Variants in CFAP54 observed in about 807,000 individuals in gnomAD.
CFAP54 encodes cilia and flagella associated protein 54.
CFAP54 carries 290 observed loss-of-function variants against 370.4 expected under a neutral mutation model. The ratio of observed to expected loss-of-function variants is 0.78; its 90% CI spans 0.71 to 0.86. CFAP54 has a LOEUF of 0.86. Among genes scored for constraint, CFAP54 ranks in the 40% least tolerant of loss-of-function variants. The probability of loss-of-function intolerance (pLI) is 0.00; values close to 1 mark genes in which losing one functional copy is unlikely to be tolerated. For synonymous variants in CFAP54, 1,206 were observed against 1,236.5 expected (o/e 0.98, Z 0.52); for missense variants, 3,399 against 3,528.7 (o/e 0.96, Z 0.93).
intron 23 of CFAP54, 86 bp downstream of exon 23, chr12:96,589,649 C>A: frequency 1.2e-6 from 1 of 851,542 alleles, no homozygotes; most frequent in African/African-American, 1.8e-5. Context: ...TTTTTAATAT[C>A]ATGTTCAGAT....
chr12:96,772,040 A>G (rs186083343), intron 60 of CFAP54, among the ~76,000 whole-genome samples: 247 of 152,384 alleles, frequency 1.6e-3, no homozygotes, highest in Non-Finnish European at 2.5e-3. Context: ...ATTAAAGATC[A>G]GATTACATTG....
chr12:96,582,813 T>C (rs1293185983), intron 22 of CFAP54, among the ~76,000 whole-genome samples: 1 of 152,204 alleles, frequency 6.6e-6, no homozygotes, highest in African/African-American at 2.4e-5. Flanking sequence ...GTAGTTTATT[T>C]ATGATGGTTT....
chr12:96,526,774 A>AAT (rs1316289592), intron 8 of CFAP54, among the ~76,000 whole-genome samples: 180 of 152,292 alleles, frequency 1.2e-3, no homozygotes, highest in African/African-American at 4.1e-3. Context: ...TCTCTAATGA[A>AAT]ATCTGGAGTG....
intron 50 of CFAP54, among the ~76,000 whole-genome samples, chr12:96,729,489 C>T (rs537054706): frequency 2.0e-5 from 3 of 152,364 alleles, no homozygotes; most frequent in Non-Finnish European, 4.4e-5. Context: ...ACCCTCCGAG[C>T]CAGGTGCGGG....
chr12:96,590,847 C>T (rs971218955), intron 23 of CFAP54, among the ~76,000 whole-genome samples: 5 of 152,082 alleles, frequency 3.3e-5, no homozygotes, highest in East Asian at 1.9e-4. Flanking sequence ...TCCAGCAGGA[C>T]GCCTTTGTGA....
chr12:96,520,486 TG>T (rs1285913966), intron 6 of CFAP54, among the ~76,000 whole-genome samples: 3 of 152,158 alleles, frequency 2.0e-5, no homozygotes, highest in Non-Finnish European at 4.4e-5. Flanking sequence ...CACTCCAGCC[TG>T]GGCAACAAGA....
At chr12:96,780,957 A>G (rs183888701) in intron 60 of CFAP54, among the ~76,000 whole-genome samples, 1 of 152,306 alleles carries the variant, frequency 6.6e-6, no homozygotes, top group Admixed American at 6.5e-5. Flanking sequence ...CCAGTGGTTT[A>G]CTTTTGGTGA....
chr12:96,863,805 T>A (rs902124721), intron 67 of CFAP54, among the ~76,000 whole-genome samples: 19 of 152,214 alleles, frequency 1.2e-4, no homozygotes, highest in African/African-American at 4.3e-4. Context: ...TCAGCACTTT[T>A]TTTTTTTTAC....
At chr12:96,796,784 G>A (rs34458) in intron 63 of CFAP54, among the ~76,000 whole-genome samples, 67 of 151,962 alleles carry the variant, frequency 4.4e-4, no homozygotes, top group African/African-American at 1.1e-3. Flanking sequence ...AATGATGTAC[G>A]CTTTTTCATT....
At position 96,663,609 on chromosome 12, in the gene CFAP54, G is replaced by A. The variant is rs112037941; in HGVS notation, c.5461-221G>A. ...AATTGCTCTACATAATTTGCCTAAC[G>A]TTCTTCCAGCTGTGCTGTACAAAAG... On this transcript the variant is annotated intron_variant, in intron 38 of 67. Coordinates refer to ENST00000524981, the MANE Select transcript of CFAP54 (RefSeq NM_001306084.2). Among the ~76,000 whole-genome samples the A allele has an allele frequency of 4.7e-3, 716 of 152,216 alleles. 4 individuals are homozygous for A. The highest frequency in any genetic ancestry group is 0.016 in the African/African-American group (678 of 41,532).
chr12:96,589,422 T>C lies in CFAP54; in HGVS notation c.3076-5T>C, dbSNP rs1407228969. On this transcript the variant is annotated splice_region_variant and splice_polypyrimidine_tract_variant and intron_variant, in intron 22 of 67. Transcript: ENST00000524981. ...TATTACATAAATATGTGCTTTTTGTTATAGGTTGCCTATCAAGTTGGTAAC... is the reference window on the plus strand; with the variant it reads ...TATTACATAAATATGTGCTTTTTGTCATAGGTTGCCTATCAAGTTGGTAAC... 5 of 1,523,378 alleles carry C rather than the reference T, an allele frequency of 3.3e-6. No individual in the cohort carries two copies. Among genetic ancestry groups the C allele is most frequent in the Non-Finnish European group, 4.4e-6 (5 of 1,138,600 alleles). 94.4% of individuals were successfully genotyped at this position (1,523,378 alleles called of 1,614,324 possible).
At chr12:96,714,332 A>G (rs1029821886) in intron 48 of CFAP54, among the ~76,000 whole-genome samples, 2 of 152,190 alleles carry the variant, frequency 1.3e-5, no homozygotes, top group Non-Finnish European at 2.9e-5. Flanking sequence ...GGAACTAACG[A>G]GTAGATAGTT....
chr12:96,720,467 G>GA lies in CFAP54; in HGVS notation c.6868dup (p.Thr2290AsnfsTer51). 1 of 1,604,970 alleles carries GA rather than the reference G, an allele frequency of 6.2e-7. No individual in the cohort carries two copies. The highest frequency in any genetic ancestry group is 8.5e-7 in the Non-Finnish European group (1 of 1,175,306). The stretch of plus-strand genomic sequence containing the variant: ...TCCTTCTGTCCGAGGTGGAACAGAA[G>GA]ACCCTGTCTCAGTGCTCCGCTGGCG... On this transcript the variant is annotated frameshift_variant, in exon 50 of 68. Transcript: ENST00000524981. LOFTEE classifies it high-confidence loss of function.
At chr12:96,699,923 A>G (rs182654219) in intron 45 of CFAP54, 48 bp from the exon 46 acceptor site, 1 of 1,468,492 alleles carries the variant, frequency 6.8e-7, no homozygotes, top group Admixed American at 2.2e-5. Flanking sequence ...TTTTCTAAGT[A>G]AAACAAATTG....
In CFAP54 at chr12:96,621,706, A is replaced by C. The variant is rs895609698; in HGVS notation, c.3756A>C (p.Glu1252Asp). ...KSLFDGSNEQ[E>D]EMPEEDSSKK... ...TGTTTGATGGTAGTAATGAACAAGA[A>C]GAAATGCCAGAGGAGGTAATTGTTT... The change falls in exon 27 of 68, where the codon GAA becomes GAC. Residue 1252 changes from glutamate (E) to aspartate (D), a missense_variant. Coordinates refer to ENST00000524981, the MANE Select transcript of CFAP54 (RefSeq NM_001306084.2). 1 of 1,524,318 alleles carries C rather than the reference A, an allele frequency of 6.6e-7. No homozygotes were observed. Among genetic ancestry groups the C allele is most frequent in the Non-Finnish European group, 8.8e-7 (1 of 1,141,294 alleles). 94.4% of individuals were successfully genotyped at this position (1,524,318 alleles called of 1,614,324 possible). A position where few individuals can be genotyped will look rare whatever the true frequency, so the allele number is the denominator to read the frequency against.
At chr12:96,612,067 G>C (rs1447925402) in intron 26 of CFAP54, among the ~76,000 whole-genome samples, 1 of 152,092 alleles carries the variant, frequency 6.6e-6, no homozygotes. Flanking sequence ...TCCTCAAGAA[G>C]AGCAACTCCA....
chr12:96,724,089 G>A (rs1374545912), intron 50 of CFAP54, among the ~76,000 whole-genome samples: 2 of 151,496 alleles, frequency 1.3e-5, no homozygotes, highest in African/African-American at 2.4e-5. Context: ...TGGACATTTG[G>A]GTTGGTTCCA....
chr12:96,817,889 G>T lies in CFAP54; in HGVS notation c.9072G>T (p.Glu3024Asp). Residue 3024 changes from glutamate (E) to aspartate (D), a missense_variant, in exon 65 of 68, where the codon GAG becomes GAT. Transcript: ENST00000524981. ...ACATATATGAAGTAGAAGTGGAAGA[G>T]GAATCAGTTGATAATGAAATGGAAG... is the stretch of plus-strand genomic sequence containing the variant. ...NENIYEVEVE[E>D]ESVDNEMEDM... 1 of 1,492,912 alleles carries T rather than the reference G, an allele frequency of 6.7e-7. No homozygotes were observed. Among genetic ancestry groups the T allele is most frequent in the Non-Finnish European group, 8.9e-7 (1 of 1,125,720 alleles). 92.5% of individuals were successfully genotyped at this position (1,492,912 alleles called of 1,614,324 possible). A position where few individuals can be genotyped will look rare whatever the true frequency, so the allele number is the denominator to read the frequency against.
At chr12:96,764,703 T>G (rs1027348889) in intron 59 of CFAP54, among the ~76,000 whole-genome samples, 1 of 152,246 alleles carries the variant, frequency 6.6e-6, no homozygotes, top group African/African-American at 2.4e-5. Context: ...ATACTAGTTA[T>G]GTTTAGTGTT....
Sources: gnomAD v4.1 joint callset for allele counts (sites outside exome capture counted in the v4.1 genomes callset) on GRCh38, gnomAD v4.1.1 for gene constraint, MANE v1.5 for transcripts, NCBI Gene and HGNC (gene_info 2026-07-23, HGNC 2026-07-21) for gene names.